KCNK3: variants seen among roughly 807,000 people sequenced by gnomAD.
KCNK3 encodes the protein potassium two pore domain channel subfamily K member 3.
Under a neutral mutation model 27.3 loss-of-function variants are expected in KCNK3, and 9 were observed. The observed-to-expected ratio is 0.33, with a 90% CI of 0.20 to 0.57. The LOEUF is 0.57. Ranked by LOEUF, KCNK3 falls within the 20% of genes least tolerant of loss-of-function variation. KCNK3 has a pLI of 0.87. For missense variants in KCNK3, 391 were observed against 577.7 expected (o/e 0.68, Z 3.31); for synonymous variants, 278 against 273.8 (o/e 1.02, Z -0.15).
At chr2:26,700,053 A>G (rs191525615) in intron 1 of KCNK3, among the ~76,000 whole-genome samples, 10 of 152,328 alleles carry the variant, frequency 6.6e-5, no homozygotes, top group African/African-American at 2.2e-4. Flanking sequence ...GCTCAGCTTC[A>G]GGGTCTCTTG....
Position 26,692,821 on chromosome 2 carries a change from G to A in KCNK3, c.-55G>A, listed in dbSNP as rs1462726284. The A allele has an allele frequency of 3.0e-6, 3 of 1,005,072 alleles. No individual in the cohort carries two copies. The African/African-American group carries it at 5.2e-5, about 18-fold the overall frequency. 62.3% of individuals were successfully genotyped at this position (1,005,072 alleles called of 1,614,324 possible). A position where few individuals can be genotyped will look rare whatever the true frequency, so the allele number is the denominator to read the frequency against. ...TCCGGGGCAGCAGCAGCGGCGGCCG[G>A]GGCCGAGGCGCGGGCCGGGGGCGCC... On this transcript the variant is annotated 5_prime_UTR_variant, in exon 1 of 2. Coordinates refer to ENST00000302909, the MANE Select transcript of KCNK3 (RefSeq NM_002246.3). The surrounding 1 kb of genome is among the most constrained non-coding windows in gnomAD (Gnocchi z 5.6).
chr2:26,724,924 A>G (rs13009611), intron 1 of KCNK3, among the ~76,000 whole-genome samples: 29,387 of 151,750 alleles, frequency 0.19, 3,115 homozygotes, highest in East Asian at 0.26. Flanking sequence ...GGTGTGGGCT[A>G]AGGACGGGTC....
chr2:26,714,656 T>C (rs1663191934), intron 1 of KCNK3, among the ~76,000 whole-genome samples: 1 of 150,858 alleles, frequency 6.6e-6, no homozygotes, highest in African/African-American at 2.4e-5. Flanking sequence ...GAGGCCAAGG[T>C]GGGCGGATCA....
intron 1 of KCNK3, 95 bp from the exon 2 acceptor site, chr2:26,727,572 G>A: frequency 2.0e-6 from 3 of 1,486,034 alleles, no homozygotes; most frequent in Non-Finnish European, 2.7e-6. Context: ...CCACAAGGTG[G>A]GGGAGGTGGC....
Position 26,728,601 on chromosome 2 carries a change from CG to C in KCNK3, c.*36del, listed in dbSNP as rs771260628. The stretch of plus-strand genomic sequence containing the variant: ...GAGGGGCCTGGAGCACCTGGGGGCG[CG>C]GGCGGGGGACCCCTGCTGGGAGGCC... On this transcript the variant is annotated 3_prime_UTR_variant, in exon 2 of 2. Coordinates refer to ENST00000302909, the MANE Select transcript of KCNK3 (RefSeq NM_002246.3). The C allele has an allele frequency of 2.8e-6, 4 of 1,407,878 alleles. No homozygotes were observed. The highest frequency in any genetic ancestry group is 5.5e-5 in the East Asian group (2 of 36,468). The allele number at this position is 1,407,878 out of a possible 1,614,324, so 87.2% of individuals were successfully genotyped here. A position where few individuals can be genotyped will look rare whatever the true frequency, so the allele number is the denominator to read the frequency against.
chr2:26,692,948 G>A lies in KCNK3; in HGVS notation c.73G>A (p.Val25Ile). ...CACCTACCTGCTGGTGGGCGCCGCGGTCTTCGACGCGCTGGAGTCGGAGCC... is the reference window on the plus strand; with the variant it reads ...CACCTACCTGCTGGTGGGCGCCGCGATCTTCGACGCGCTGGAGTCGGAGCC... ...TFTYLLVGAAVFDALESEPEL... is the reference protein window; with the variant it reads ...TFTYLLVGAAIFDALESEPEL... Residue 25 changes from valine to isoleucine, a missense_variant, in exon 1 of 2, where the codon GTC becomes ATC. Coordinates refer to ENST00000302909, the MANE Select transcript of KCNK3 (RefSeq NM_002246.3). This position sits in a 1 kb window ranked among gnomAD's most constrained non-coding sequence, Gnocchi z 5.6. The A allele has an allele frequency of 6.4e-7, 1 of 1,554,778 alleles. No homozygotes were observed. The highest frequency in any genetic ancestry group is 8.7e-7 in the Non-Finnish European group (1 of 1,154,370).
At chr2:26,726,738 A>C (rs1323551911) in intron 1 of KCNK3, among the ~76,000 whole-genome samples, 3 of 138,430 alleles carry the variant, frequency 2.2e-5, no homozygotes, top group Admixed American at 1.4e-4. Context: ...TGGCTGGTGC[A>C]GAGGGAACAT....
chr2:26,728,529 C>T lies in KCNK3; in HGVS notation c.1146C>T (p.Ser382=), dbSNP rs757193393. 1 of 1,477,932 alleles carries T rather than the reference C, an allele frequency of 6.8e-7. No individual in the cohort carries two copies. The highest frequency in any genetic ancestry group is 1.4e-5 in the South Asian group (1 of 71,134). 91.6% of individuals were successfully genotyped at this position (1,477,932 alleles called of 1,614,324 possible). ...SSVSTGLHSL[S]TFRGLMKRRS... ...TGTCCACGGGTCTGCACAGCCTGTCCACCTTCCGCGGCCTCATGAAGCGCA... is the reference window on the plus strand; with the variant it reads ...TGTCCACGGGTCTGCACAGCCTGTCTACCTTCCGCGGCCTCATGAAGCGCA... Residue 382 remains serine, a synonymous_variant, in exon 2 of 2, where the codon TCC becomes TCT. Coordinates refer to ENST00000302909, the MANE Select transcript of KCNK3 (RefSeq NM_002246.3).
chr2:26,699,892 C>T (rs961854699), intron 1 of KCNK3, among the ~76,000 whole-genome samples: 2 of 152,214 alleles, frequency 1.3e-5, no homozygotes, highest in Non-Finnish European at 2.9e-5. Context: ...AAAATGACAG[C>T]ACCAGGACTT....
intron 1 of KCNK3, among the ~76,000 whole-genome samples, chr2:26,719,016 T>C (rs2148266254): frequency 6.6e-6 from 1 of 152,360 alleles, no homozygotes; most frequent in Middle Eastern, 3.4e-3. Flanking sequence ...ATCAAGAGAC[T>C]GTTCAAGAAC....
At chr2:26,702,322 G>A (rs181780287) in intron 1 of KCNK3, among the ~76,000 whole-genome samples, 1 of 152,302 alleles carries the variant, frequency 6.6e-6, no homozygotes, top group Admixed American at 6.5e-5. Context: ...GTTTTCTTTG[G>A]GCCATGTGTG....
At chr2:26,717,677 TG>T (rs1663255846) in intron 1 of KCNK3, among the ~76,000 whole-genome samples, 1 of 152,252 alleles carries the variant, frequency 6.6e-6, no homozygotes, top group Non-Finnish European at 1.5e-5. Flanking sequence ...GCCACAGGCC[TG>T]GGCCATGGCA....
chr2:26,725,978 T>A (rs1463070360), intron 1 of KCNK3, among the ~76,000 whole-genome samples: 2 of 152,108 alleles, frequency 1.3e-5, no homozygotes, highest in African/African-American at 4.8e-5. Context: ...GCTAAGTGCA[T>A]TACACACATG....
At chr2:26,707,285 G>A (rs1024639140) in intron 1 of KCNK3, among the ~76,000 whole-genome samples, 1 of 152,174 alleles carries the variant, frequency 6.6e-6, no homozygotes, top group African/African-American at 2.4e-5. Context: ...AATGGAGTGC[G>A]GGAGGGAGCA....
rs181540904 is a variant in KCNK3 at position 26,701,901 on chromosome 2, C to A, written c.283+8743C>A. Among the ~76,000 whole-genome samples, 20 of 152,308 alleles carry A rather than the reference C, an allele frequency of 1.3e-4. No individual in the cohort carries two copies. In the East Asian group the frequency reaches 2.1e-3, roughly 16 times the overall value. On this transcript the variant is annotated intron_variant, in intron 1 of 1. Coordinates refer to ENST00000302909, the MANE Select transcript of KCNK3 (RefSeq NM_002246.3). Reference sequence around the variant, plus strand: ...ATTGCAGTGAGCCAAGAAAGCGCCACTGTACTCCAGCCTGGGCAACAGAGA... The same window carrying A: ...ATTGCAGTGAGCCAAGAAAGCGCCAATGTACTCCAGCCTGGGCAACAGAGA...
At chr2:26,714,665 C>A (rs967132532) in intron 1 of KCNK3, among the ~76,000 whole-genome samples, 12 of 151,418 alleles carry the variant, frequency 7.9e-5, no homozygotes, top group African/African-American at 2.9e-4. Context: ...GTGGGCGGAT[C>A]ACTTGAGGTC....
rs1322290678 is a variant in KCNK3, at chr2:26,728,579, G to A, written c.*11G>A. On this transcript the variant is annotated 3_prime_UTR_variant, in exon 2 of 2. Transcript: ENST00000302909. The stretch of plus-strand genomic sequence containing the variant: ...AGGAGCTCCGTGTGACTGCCCCGAG[G>A]GGCCTGGAGCACCTGGGGGCGCGGG... The A allele has an allele frequency of 7.0e-7, 1 of 1,432,410 alleles. No homozygotes were observed. The allele number at this position is 1,432,410 out of a possible 1,614,324, so 88.7% of individuals were successfully genotyped here.
intron 1 of KCNK3, among the ~76,000 whole-genome samples, chr2:26,726,402 A>G (rs555484199): frequency 9.8e-5 from 15 of 152,352 alleles, no homozygotes; most frequent in Non-Finnish European, 2.1e-4. Context: ...CAAATAAGGC[A>G]GAGATCATAA....
At chr2:26,699,982 T>C (rs72800458) in intron 1 of KCNK3, among the ~76,000 whole-genome samples, 2,106 of 152,312 alleles carry the variant, frequency 0.014, 13 homozygotes, top group Non-Finnish European at 0.02. Context: ...ACTCCTTCCA[T>C]GTGAGCACAG....
Sources: gnomAD v4.1 joint callset for allele counts (sites outside exome capture counted in the v4.1 genomes callset) on GRCh38, gnomAD v4.1.1 for gene constraint, Gnocchi (gnomAD v3.1) non-coding constraint, MANE v1.5 for transcripts, NCBI Gene and HGNC (gene_info 2026-07-23, HGNC 2026-07-21) for gene names.